The following FRMD4A variants were observed in gnomAD, a reference collection of about 807,000 sequenced individuals.
FRMD4A encodes FERM domain-containing protein 4A.
FRMD4A carries 29 observed loss-of-function variants against 129.1 expected under a neutral mutation model. That is an observed-to-expected ratio of 0.22 (90% confidence interval 0.17 to 0.31). The LOEUF (loss-of-function observed/expected upper bound fraction) is 0.31. FRMD4A is among the 10% of genes least tolerant of loss of function. FRMD4A has a pLI of 1.00. For synonymous variants in FRMD4A, 634 were observed against 571.6 expected, an observed-to-expected ratio of 1.11 and a Z score of -1.56; for missense variants, 1,272 against 1,375.8, an observed-to-expected ratio of 0.92 and a Z score of 1.19.
At chr10:14,204,561 C>T (rs1244648631) in intron 2 of FRMD4A, among the ~76,000 whole-genome samples, 1 of 152,132 alleles carries the variant, frequency 6.6e-6, no homozygotes, top group Non-Finnish European at 1.5e-5. Context: ...CATTCCTTTT[C>T]TCGCAACTAC....
At chr10:14,137,928 G>A (rs1243426412) in intron 2 of FRMD4A, among the ~76,000 whole-genome samples, 2 of 152,178 alleles carry the variant, frequency 1.3e-5, no homozygotes, top group East Asian at 3.9e-4. Flanking sequence ...TTGGAGATGA[G>A]CAACCCAACA....
chr10:13,902,704 G>A (rs2094834834), intron 2 of FRMD4A, among the ~76,000 whole-genome samples: 1 of 152,010 alleles, frequency 6.6e-6, no homozygotes, highest in East Asian at 1.9e-4. Context: ...GCTGGGTGTG[G>A]TGGCACACAC....
chr10:13,796,952 T>C (rs914846351), intron 4 of FRMD4A, among the ~76,000 whole-genome samples: 2 of 152,160 alleles, frequency 1.3e-5, no homozygotes, highest in African/African-American at 4.8e-5. Flanking sequence ...ACTCCTGACC[T>C]CAGGTGATCC....
chr10:14,276,893 G>T (rs192858367), intron 2 of FRMD4A, among the ~76,000 whole-genome samples: 1 of 152,216 alleles, frequency 6.6e-6, no homozygotes, highest in East Asian at 1.9e-4. Context: ...TTGAGTCAGG[G>T]TCTCATTCTC....
intron 2 of FRMD4A, among the ~76,000 whole-genome samples, chr10:13,988,669 G>T (rs924253535): frequency 1.1e-4 from 16 of 151,792 alleles, no homozygotes; most frequent in African/African-American, 3.9e-4. Flanking sequence ...CCGATAGATC[G>T]ATAGATAGAT....
chr10:13,754,567 C>CGTGTGTGT (rs56304219), intron 8 of FRMD4A, among the ~76,000 whole-genome samples: 4 of 147,994 alleles, frequency 2.7e-5, no homozygotes, highest in African/African-American at 9.9e-5. Context: ...ACAATTCTTT[C>CGTGTGTGT]GTGTGTGTGT....
intron 2 of FRMD4A, among the ~76,000 whole-genome samples, chr10:14,319,229 C>T (rs1445651868): frequency 6.6e-6 from 1 of 152,192 alleles, no homozygotes; most frequent in Non-Finnish European, 1.5e-5. Context: ...TCCCACTGTA[C>T]TCTGTTGGAA....
At chr10:14,228,866 C>A (rs1843538953) in intron 2 of FRMD4A, among the ~76,000 whole-genome samples, 1 of 151,994 alleles carries the variant, frequency 6.6e-6, no homozygotes, top group South Asian at 2.1e-4. Flanking sequence ...GGAGTTAGGT[C>A]AGTTGTCTAG....
intron 24 of FRMD4A, among the ~76,000 whole-genome samples, chr10:13,650,842 CCCT>C (rs1297498255): frequency 3.9e-5 from 6 of 152,296 alleles, no homozygotes; most frequent in African/African-American, 1.4e-4. Context: ...TGTCTAAGCC[CCCT>C]CCTCCCACGG....
chr10:13,738,223 C>T (rs777275174), intron 11 of FRMD4A, among the ~76,000 whole-genome samples: 10 of 152,144 alleles, frequency 6.6e-5, no homozygotes, highest in Non-Finnish European at 1.0e-4. Flanking sequence ...GCCCTGCTTG[C>T]GCTCTCTCTC....
chr10:14,076,478 A>G (rs1348595679), intron 2 of FRMD4A, among the ~76,000 whole-genome samples: 2 of 152,070 alleles, frequency 1.3e-5, no homozygotes, highest in Non-Finnish European at 2.9e-5. Flanking sequence ...GTCTCTACTA[A>G]AAATACAAAA....
chr10:14,029,077 G>A (rs1230439714), intron 2 of FRMD4A, among the ~76,000 whole-genome samples: 2 of 152,190 alleles, frequency 1.3e-5, no homozygotes, highest in African/African-American at 2.4e-5. Context: ...GGCAAACACC[G>A]GAATTTGTTC....
intron 2 of FRMD4A, among the ~76,000 whole-genome samples, chr10:14,267,110 G>A (rs1845006337): frequency 6.6e-6 from 1 of 152,168 alleles, no homozygotes; most frequent in Admixed American, 6.5e-5. Context: ...AGATATAATG[G>A]GCCTGAATTC....
chr10:13,684,586 G>A (rs957198276), intron 15 of FRMD4A: 18 of 985,290 alleles, frequency 1.8e-5, no homozygotes, highest in Middle Eastern at 1.0e-3. Flanking sequence ...ATTCAGCCGC[G>A]AGCCAGAAAT....
At chr10:14,304,603 G>C (rs1267119222) in intron 2 of FRMD4A, among the ~76,000 whole-genome samples, 1 of 152,186 alleles carries the variant, frequency 6.6e-6, no homozygotes. Context: ...GGAGCACGCT[G>C]AGTCTGGCCA....
At chr10:13,873,182 A>AT (rs1406265112) in intron 2 of FRMD4A, among the ~76,000 whole-genome samples, 2 of 33,312 alleles carry the variant, frequency 6.0e-5, no homozygotes, top group African/African-American at 1.8e-4. Context: ...GTCTCAAAAA[A>AT]AATAAAATAA....
intron 2 of FRMD4A, among the ~76,000 whole-genome samples, chr10:14,175,652 A>AT (rs1841695725): frequency 6.6e-6 from 1 of 151,426 alleles, no homozygotes; most frequent in Admixed American, 6.6e-5. Flanking sequence ...AGCCTCCTGA[A>AT]TATCTGTGAC....
At chr10:13,649,702 G>A (rs1439959592) in intron 24 of FRMD4A, 1 of 152,182 alleles carries the variant, frequency 6.6e-6, no homozygotes, top group East Asian at 1.9e-4. Flanking sequence ...TCTCAAGTCT[G>A]GGGAAGAGAC....
At chr10:14,249,810 A>C (rs1451899366) in intron 2 of FRMD4A, among the ~76,000 whole-genome samples, 1 of 152,234 alleles carries the variant, frequency 6.6e-6, no homozygotes, top group African/African-American at 2.4e-5. Context: ...CGAAATCCTA[A>C]GTGGAAAAAA....
Sources: allele counts gnomAD v4.1 joint callset (sites outside exome capture counted in the v4.1 genomes callset), GRCh38; gene constraint gnomAD v4.1.1; transcripts MANE v1.5; gene names NCBI Gene and HGNC (gene_info 2026-07-23, HGNC 2026-07-21).